Variants in CACNA1E observed in about 807,000 individuals in gnomAD.
CACNA1E encodes the protein calcium voltage-gated channel subunit alpha1 E.
A neutral mutation model predicts 259.2 loss-of-function variants in CACNA1E; 40 were observed. The observed-to-expected ratio is 0.15, with a 90% CI of 0.12 to 0.20. The LOEUF (loss-of-function observed/expected upper bound fraction) is 0.20, where lower values mean the gene tolerates loss of function less well. CACNA1E is among the 10% of genes least tolerant of loss of function. The pLI is 1.00. For missense variants in CACNA1E, 1,874 were observed against 3,040.1 expected, an observed-to-expected ratio of 0.62 and a Z score of 9.02; for synonymous variants, 1,104 against 1,138.5, an observed-to-expected ratio of 0.97 and a Z score of 0.61.
intron 1 of CACNA1E, among the ~76,000 whole-genome samples, chr1:181,387,859 G>A (rs1655962897): frequency 6.6e-6 from 1 of 152,192 alleles, no homozygotes. Flanking sequence ...ATATGAGGCT[G>A]CCCTCCTGAC....
At chr1:181,547,435 C>T (rs183665967) in intron 3 of CACNA1E, among the ~76,000 whole-genome samples, 32 of 152,350 alleles carry the variant, frequency 2.1e-4, no homozygotes, top group African/African-American at 6.0e-4. Context: ...CACGATGACA[C>T]GGGCTGGTGC....
chr1:181,404,075 G>A (rs1657292011), intron 1 of CACNA1E, among the ~76,000 whole-genome samples: 1 of 152,154 alleles, frequency 6.6e-6, no homozygotes, highest in South Asian at 2.1e-4. Context: ...TGAGTCACAT[G>A]CCTTTTCCTT....
At chr1:181,463,925 C>T (rs1394935058) in intron 2 of CACNA1E, among the ~76,000 whole-genome samples, 2 of 151,964 alleles carry the variant, frequency 1.3e-5, no homozygotes, top group South Asian at 2.1e-4. Context: ...ACATTTTTTA[C>T]AGTTTTGCAT....
intron 7 of CACNA1E, among the ~76,000 whole-genome samples, chr1:181,709,709 C>T (rs1459703987): frequency 6.6e-6 from 1 of 152,084 alleles, no homozygotes; most frequent in East Asian, 1.9e-4. Flanking sequence ...CTCACTGTAA[C>T]CTCGAATTCC....
rs1027993911 is a variant in CACNA1E, at chr1:181,553,086, T to C, written c.513-24680T>C. ...ATAGCATTGAATCTAGAAATTACTT[T>C]GGGCAGTATGGCCATTTTTACGATA... On this transcript the variant is annotated intron_variant, in intron 3 of 47. Transcript: ENST00000367573. 2.6e-5 allele frequency among the ~76,000 whole-genome samples: 4 copies of C among 152,368 alleles called. No homozygotes were observed. In the East Asian group the frequency reaches 5.8e-4, roughly 22 times the overall value.
intron 6 of CACNA1E, among the ~76,000 whole-genome samples, chr1:181,622,450 C>G (rs1024328665): frequency 6.6e-6 from 1 of 152,176 alleles, no homozygotes; most frequent in Non-Finnish European, 1.5e-5. Context: ...GGCTGGGAGT[C>G]CTAGAGCCAA....
At chr1:181,464,130 C>T (rs1489762595) in intron 2 of CACNA1E, among the ~76,000 whole-genome samples, 8 of 152,052 alleles carry the variant, frequency 5.3e-5, no homozygotes, top group Non-Finnish European at 1.2e-4. Flanking sequence ...CCCTCTCACC[C>T]ATGTCTCACT....
chr1:181,741,081 A>G (rs535064738), intron 25 of CACNA1E, among the ~76,000 whole-genome samples: 166 of 152,330 alleles, frequency 1.1e-3, no homozygotes, highest in African/African-American at 3.9e-3. Flanking sequence ...TAGATTATTC[A>G]CTGTATCATT....
chr1:181,787,858 G>A (rs562486709), intron 43 of CACNA1E, among the ~76,000 whole-genome samples: 1 of 152,322 alleles, frequency 6.6e-6, no homozygotes, highest in African/African-American at 2.4e-5. Flanking sequence ...GTTGGAGCAT[G>A]GAGAGCTCAG....
chr1:181,721,974 G>A (rs1654451387), intron 16 of CACNA1E, 99 bp downstream of exon 16: 3 of 792,244 alleles, frequency 3.8e-6, no homozygotes, highest in Admixed American at 3.6e-5. Context: ...GGGTTGGTGG[G>A]ACAGGGGCGT....
intron 7 of CACNA1E, among the ~76,000 whole-genome samples, chr1:181,667,503 A>G (rs1648352089): frequency 1.3e-5 from 2 of 152,188 alleles, no homozygotes; most frequent in South Asian, 4.1e-4. Context: ...ACAAGTAGAT[A>G]GGATCATCCA....
chr1:181,795,988 T>G (rs965765143), intron 46 of CACNA1E, among the ~76,000 whole-genome samples: 1 of 152,008 alleles, frequency 6.6e-6, no homozygotes, highest in African/African-American at 2.4e-5. Flanking sequence ...AATTCCCTTC[T>G]GCTGGTGCCA....
intron 28 of CACNA1E, 57 bp from the exon 29 acceptor site, chr1:181,755,899 C>G: frequency 6.4e-7 from 1 of 1,565,854 alleles, no homozygotes; most frequent in South Asian, 1.2e-5. Flanking sequence ...TGTGCTGACT[C>G]TTCTGTAGAA....
chr1:181,462,409 C>G (rs1331040546), intron 2 of CACNA1E, among the ~76,000 whole-genome samples: 1 of 152,198 alleles, frequency 6.6e-6, no homozygotes, highest in East Asian at 1.9e-4. Flanking sequence ...TTTGCCAACT[C>G]TGGGTATTTC....
intron 6 of CACNA1E, among the ~76,000 whole-genome samples, chr1:181,625,271 CAA>C: frequency 6.6e-6 from 1 of 152,212 alleles, no homozygotes; most frequent in Non-Finnish European, 1.5e-5. Context: ...AACCTCCTAA[CAA>C]GAGAGTTAGC....
intron 6 of CACNA1E, among the ~76,000 whole-genome samples, chr1:181,617,534 C>T (rs150785836): frequency 5.8e-4 from 88 of 152,282 alleles, no homozygotes; most frequent in African/African-American, 2.0e-3. Flanking sequence ...CCCTATCTGA[C>T]GATGATTTAG....
intron 7 of CACNA1E, among the ~76,000 whole-genome samples, chr1:181,654,683 A>G (rs1659042781): frequency 6.6e-6 from 1 of 152,356 alleles, no homozygotes; most frequent in Non-Finnish European, 1.5e-5. Flanking sequence ...CTGTGTACAC[A>G]TGAAACATAA....
chr1:181,321,557 C>T (rs1386995154), intron 1 of CACNA1E, among the ~76,000 whole-genome samples: 1 of 152,172 alleles, frequency 6.6e-6, no homozygotes, highest in East Asian at 1.9e-4. Context: ...AGAAATAGTT[C>T]TGTAGACTAG....
intron 3 of CACNA1E, among the ~76,000 whole-genome samples, chr1:181,565,609 C>T (rs184183445): frequency 6.6e-6 from 1 of 152,284 alleles, no homozygotes; most frequent in Non-Finnish European, 1.5e-5. Flanking sequence ...TGTAAGAGCA[C>T]TGAAATTTTT....
Sources: allele counts gnomAD v4.1 joint callset (sites outside exome capture counted in the v4.1 genomes callset), GRCh38; gene constraint gnomAD v4.1.1; transcripts MANE v1.5; gene names NCBI Gene and HGNC (gene_info 2026-07-23, HGNC 2026-07-21).